The following SLC11A2 variants were observed in gnomAD, a reference collection of about 807,000 sequenced individuals.
SLC11A2 encodes the protein natural resistance-associated macrophage protein 2.
In SLC11A2, 38 loss-of-function variants were observed where a neutral mutation model predicts 68.0. That is an observed-to-expected ratio of 0.56 (90% CI 0.43 to 0.73). The LOEUF is 0.73. Among genes scored for constraint, SLC11A2 ranks in the 30% least tolerant of loss-of-function variants. The pLI is 0.00. For missense variants in SLC11A2, 517 were observed against 690.5 expected (o/e 0.75, Z 2.82); for synonymous variants, 242 against 250.6 (o/e 0.97, Z 0.32).
At chr12:50,961,491 A>C in the SLC11A2 span, among the ~76,000 whole-genome samples, 1 of 150,390 alleles carries the variant, frequency 6.6e-6, no homozygotes, top group South Asian at 2.2e-4. Flanking sequence ...CAGCAAATGT[A>C]GTTATTAGCT....
At chr12:50,999,135 C>A in intron 8 of SLC11A2, 39 bp downstream of exon 8, 4 of 1,443,316 alleles carry the variant, frequency 2.8e-6, no homozygotes, top group Non-Finnish European at 3.9e-6. Flanking sequence ...ACCACAAAAA[C>A]TTATTTTAAG....
At chr12:51,027,442 C>A (rs113103615), upstream of SLC11A2, among the ~76,000 whole-genome samples, 1 of 151,886 alleles carries the variant, frequency 6.6e-6, no homozygotes, top group African/African-American at 2.4e-5. Context: ...TGGGAGGAAC[C>A]GAGAAACATC....
chr12:50,995,933 T>G, intron 9 of SLC11A2, 146 bp from the exon 10 acceptor site: 1 of 716,314 alleles, frequency 1.4e-6, no homozygotes, highest in South Asian at 1.6e-5. Context: ...ACCTACATCC[T>G]AGTTCACTGA....
chr12:51,004,779 A>G lies in SLC11A2; in HGVS notation c.429+9T>C. ...GGGTGAGAGACAAACAGGACAATAC[A>G]TTGCTCACCTTGGGATACTGACGGT... On this transcript the variant is annotated intron_variant, in intron 5 of 15. Transcript: ENST00000262052. The G allele has an allele frequency of 6.2e-7, 1 of 1,613,626 alleles. No individual in the cohort carries two copies.
chr12:50,958,671 G>A, the SLC11A2 span, among the ~76,000 whole-genome samples: 86 of 152,192 alleles, frequency 5.7e-4, no homozygotes, highest in African/African-American at 1.9e-3. Flanking sequence ...AATCAACATG[G>A]TGTGGTACTG....
rs1290411040 is a variant in SLC11A2 at position 50,991,017 on chromosome 12, G to A, written c.1422-69C>T. The A allele has an allele frequency of 2.1e-6, 3 of 1,397,508 alleles. No individual in the cohort carries two copies. In the Admixed American group the frequency reaches 5.0e-5, roughly 23 times the overall value. The allele number at this position is 1,397,508 out of a possible 1,614,324, so 86.6% of individuals were successfully genotyped here. ...TGGCCACAGACAGAAAAGGAAACAG[G>A]ATGGGAATTAGAGGCAGTTCAAAAT... is the stretch of plus-strand genomic sequence containing the variant. On this transcript the variant is annotated intron_variant, in intron 14 of 15. Transcript: ENST00000262052.
intron 15 of SLC11A2, among the ~76,000 whole-genome samples, 182 bp from the exon 16 acceptor site, chr12:50,988,617 C>T (rs1940836216): frequency 6.6e-6 from 1 of 152,216 alleles, no homozygotes; most frequent in Non-Finnish European, 1.5e-5. Context: ...AATCAGCTGC[C>T]TTCCTCAACA....
chr12:50,963,340 A>G, the SLC11A2 span, among the ~76,000 whole-genome samples: 1 of 143,716 alleles, frequency 7.0e-6, no homozygotes, highest in Non-Finnish European at 1.5e-5. Context: ...ACTGCACTCC[A>G]GCCTGGGTGA....
In SLC11A2 at chr12:50,992,270, T is replaced by G; in HGVS notation, c.1267A>C (p.Thr423Pro). The change falls in exon 13 of 16, where the codon ACT (threonine) becomes CCT (proline). Residue 423 changes from threonine to proline, a missense_variant. Physicochemically the swap from Thr to Pro is conservative, Grantham distance 38. Transcript: ENST00000262052. ...VLTRSIAIIPTLLVAVFQDVE... is the reference protein window; with the variant it reads ...VLTRSIAIIPPLLVAVFQDVE... ...TCTTGGAAGACAGCAACAAGCAGAG[T>G]GGGGATGATGGCAATAGAGCGAGTC... 6.2e-7 allele frequency: 1 copy of G among 1,613,656 alleles called. No homozygotes were observed.
chr12:51,009,334 G>A (rs922029611), intron 2 of SLC11A2: 120 of 1,232,238 alleles, frequency 9.7e-5, no homozygotes, highest in Non-Finnish European at 1.1e-4. Context: ...TGATATCAGC[G>A]TTTCCCTGAG....
the SLC11A2 span, among the ~76,000 whole-genome samples, chr12:50,959,687 A>T: frequency 6.6e-6 from 1 of 151,852 alleles, no homozygotes; most frequent in East Asian, 1.9e-4. Flanking sequence ...TTGCTCTGTC[A>T]CCCAAGCTGG....
intron 8 of SLC11A2, among the ~76,000 whole-genome samples, chr12:50,997,986 CAAAA>C (rs35033972): frequency 7.3e-6 from 1 of 136,748 alleles, no homozygotes; most frequent in Non-Finnish European, 1.6e-5. Flanking sequence ...GACTCCATCT[CAAAA>C]AAAAAAAAAG....
Position 50,999,240 on chromosome 12 carries a change from G to A in SLC11A2, c.609C>T (p.Gly203=), listed in dbSNP as rs1045163212. The change falls in exon 8 of 16, where the codon GGC becomes GGT. Residue 203 remains glycine, a splice_region_variant and synonymous_variant. Transcript: ENST00000262052. ...TFVFLFLDKY[G]LRKLEAFFGF... The stretch of plus-strand genomic sequence containing the variant: ...CAAAAAATGCTTCTAGCTTCCGCAA[G>A]CCTAAAGGAAAAAAGGCAGCAGTGA... The A allele has an allele frequency of 6.2e-7, 1 of 1,614,126 alleles. No individual in the cohort carries two copies. The highest frequency in any genetic ancestry group is 8.5e-7 in the Non-Finnish European group (1 of 1,179,998).
intron 1 of SLC11A2, among the ~76,000 whole-genome samples, chr12:51,021,522 G>A (rs1343217681): frequency 6.6e-6 from 1 of 152,052 alleles, no homozygotes; most frequent in African/African-American, 2.4e-5. Context: ...AGCTACTTGG[G>A]AGGCTGAGGC....
chr12:51,026,233 C>T, intron 1 of SLC11A2, 77 bp downstream of exon 1: 1 of 1,226,632 alleles, frequency 8.2e-7, no homozygotes, highest in Non-Finnish European at 1.1e-6. Flanking sequence ...ACCCCCGACA[C>T]AGGCCCTCGA....
rs375554406 is a variant in SLC11A2, at chr12:50,994,611, G to T, written c.1010C>A (p.Thr337Asn). ...NEQVVEVCTN[T>N]SSPHAGLFPK... ...AAAGAGGCCAGCATGAGGACTGCTG[G>T]TATTTGTACAGACTTCAACCTAGAA... Residue 337 changes from threonine to asparagine, a missense_variant, in exon 11 of 16, where the codon ACC becomes AAC. Thr to Asn is a moderately conservative substitution (Grantham distance 65). Coordinates refer to ENST00000262052, the MANE Select transcript of SLC11A2 (RefSeq NM_000617.3). 1.9e-6 allele frequency: 3 copies of T among 1,611,810 alleles called. No individual in the cohort carries two copies. The highest frequency in any genetic ancestry group is 2.5e-6 in the Non-Finnish European group (3 of 1,177,906).
chr12:50,960,952 C>T, the SLC11A2 span: 16 of 1,550,582 alleles, frequency 1.0e-5, no homozygotes, highest in Non-Finnish European at 1.3e-5. Flanking sequence ...ATAACCCATA[C>T]TTTTAAAATT....
In SLC11A2 at chr12:50,987,374, G is replaced by A. The variant is rs961282994; in HGVS notation, c.*951C>T. 1.2e-5 allele frequency: 15 copies of A among 1,287,056 alleles called. No homozygotes were observed. The highest frequency in any genetic ancestry group is 3.0e-5 in the African/African-American group (2 of 65,782). 79.7% of individuals were successfully genotyped at this position (1,287,056 alleles called of 1,614,324 possible). On this transcript the variant is annotated 3_prime_UTR_variant, in exon 16 of 16. Coordinates refer to ENST00000262052, the MANE Select transcript of SLC11A2 (RefSeq NM_000617.3). ...GAGCGGTGCATCAGAAAAACATGAC[G>A]ATTCTGCTGAGAGGTGGCTTTAGGA...
intron 1 of SLC11A2, among the ~76,000 whole-genome samples, chr12:51,021,780 A>T (rs968779080): frequency 2.6e-5 from 4 of 152,192 alleles, no homozygotes; most frequent in Admixed American, 1.3e-4. Flanking sequence ...AGTGGAGAAA[A>T]TGTTAGGAAG....
Sources: gnomAD v4.1 joint callset for allele counts (sites outside exome capture counted in the v4.1 genomes callset) on GRCh38, gnomAD v4.1.1 for gene constraint, MANE v1.5 for transcripts, NCBI Gene and HGNC (gene_info 2026-07-23, HGNC 2026-07-21) for gene names.